The following SIRT2 variants were observed in gnomAD, a reference collection of about 807,000 sequenced individuals.
The protein encoded by SIRT2 is NAD-dependent protein deacetylase sirtuin-2.
A neutral mutation model predicts 57.4 loss-of-function variants in SIRT2; 40 were observed. That is an observed-to-expected ratio of 0.70 (90% CI 0.54 to 0.91). The LOEUF is 0.91. Ranked by LOEUF, SIRT2 falls within the 40% of genes least tolerant of loss-of-function variation. The probability of loss-of-function intolerance (pLI) is 0.00; values close to 1 mark genes in which losing one functional copy is unlikely to be tolerated. For synonymous variants in SIRT2, 161 were observed against 195.7 expected, an observed-to-expected ratio of 0.82 and a Z score of 1.48; for missense variants, 439 against 510.4, an observed-to-expected ratio of 0.86 and a Z score of 1.35.
At chr19:38,893,566 T>A in intron 3 of SIRT2, 39 bp from the exon 4 acceptor site, 3 of 1,451,718 alleles carry the variant, frequency 2.1e-6, no homozygotes, top group Non-Finnish European at 2.9e-6. Flanking sequence ...GGACGGGCAT[T>A]CAGCCAGGGG....
intron 4 of SIRT2, among the ~76,000 whole-genome samples, chr19:38,892,730 A>G (rs1973580877): frequency 7.7e-6 from 1 of 130,668 alleles, no homozygotes; most frequent in South Asian, 3.0e-4. Context: ...ACGCCCCCAT[A>G]TCTGACTATT....
chr19:38,880,528 A>T lies in SIRT2; in HGVS notation c.876+157T>A, dbSNP rs994283902. The T allele has an allele frequency of 3.3e-6, 2 of 602,184 alleles. No homozygotes were observed. The highest frequency in any genetic ancestry group is 5.9e-6 in the Non-Finnish European group (2 of 339,028). 37.3% of individuals were successfully genotyped at this position (602,184 alleles called of 1,614,324 possible). A position where few individuals can be genotyped will look rare whatever the true frequency, so the allele number is the denominator to read the frequency against. ...TGCTCAAAAGGGCAGTGAATGTCCC[A>T]GAGGCCTGGAACCCGACCCCTCTGG... On this transcript the variant is annotated intron_variant, in intron 13 of 15. Coordinates refer to ENST00000249396, the MANE Select transcript of SIRT2 (RefSeq NM_012237.4). The surrounding 1 kb of genome is among the most constrained non-coding windows in gnomAD (Gnocchi z 4.1).
chr19:38,879,189 T>C lies in SIRT2; in HGVS notation c.1136A>G (p.Glu379Gly), dbSNP rs756815336. 6.3e-7 allele frequency: 1 copy of C among 1,586,848 alleles called. No individual in the cohort carries two copies. Among genetic ancestry groups the C allele is most frequent in the Admixed American group, 2.0e-5 (1 of 49,272 alleles). The change falls in exon 16 of 16, where the codon GAG becomes GGG. Residue 379 changes from glutamate (E) to glycine (G), a missense_variant. Glu to Gly is a moderately conservative substitution (Grantham distance 98). Coordinates refer to ENST00000249396, the MANE Select transcript of SIRT2 (RefSeq NM_012237.4). ...TTTCTCCCTCTCTGTTGTCCTGGCC[T>C]CGTCCTTGGCAGGTGGCGGGGACTT... ...PKKSPPPAKD[E>G]ARTTEREKPQ
In SIRT2 at chr19:38,880,941, G is replaced by A. The variant is rs202222176; in HGVS notation, c.748-44C>T. 1.2e-5 allele frequency: 19 copies of A among 1,588,882 alleles called. No individual in the cohort carries two copies. The highest frequency in any genetic ancestry group is 5.4e-5 in the African/African-American group (4 of 74,346). On this transcript the variant is annotated intron_variant, in intron 11 of 15. Transcript: ENST00000249396. This position sits in a 1 kb window ranked among gnomAD's most constrained non-coding sequence, Gnocchi z 4.1. ...GCTTGGGAGCCTCCGCCCAGGCTGCGCCACCGCTCCCTCCCCCGCCCCCAG... is the reference window on the plus strand; with the variant it reads ...GCTTGGGAGCCTCCGCCCAGGCTGCACCACCGCTCCCTCCCCCGCCCCCAG...
At chr19:38,892,681 C>A (rs926384804) in intron 4 of SIRT2, among the ~76,000 whole-genome samples, 7 of 152,026 alleles carry the variant, frequency 4.6e-5, no homozygotes, top group Non-Finnish European at 7.4e-5. Flanking sequence ...TCAAACAATC[C>A]TCCCTTCTCA....
chr19:38,898,427 TG>T lies in SIRT2; in HGVS notation c.17-3del. ...CCTGGGTCTCCAGAGGGTGAGAGGC[TG>T]GGGGAGGGGAGCAGAGGTGGTTACA... On this transcript the variant is annotated splice_polypyrimidine_tract_variant and splice_region_variant and intron_variant, in intron 1 of 15. Transcript: ENST00000249396. 6.5e-7 allele frequency: 1 copy of T among 1,531,108 alleles called. No individual in the cohort carries two copies. The highest frequency in any genetic ancestry group is 1.8e-5 in the Admixed American group (1 of 56,054). The allele number at this position is 1,531,108 out of a possible 1,614,324, so 94.8% of individuals were successfully genotyped here.
chr19:38,883,247 AT>A (rs74891421), intron 9 of SIRT2, among the ~76,000 whole-genome samples: 226 of 144,464 alleles, frequency 1.6e-3, no homozygotes, highest in Non-Finnish European at 1.5e-3. Context: ...CACCAGGCTA[AT>A]TTTTTTTTTT....
chr19:38,893,496 C>T lies in SIRT2; in HGVS notation c.144G>A (p.Thr48=), dbSNP rs760784746. The change falls in exon 4 of 16, where the codon ACG becomes ACA. Residue 48 remains threonine (T), a synonymous_variant. Coordinates refer to ENST00000249396, the MANE Select transcript of SIRT2 (RefSeq NM_012237.4). ...GCTCCTTCTGGCTGCCCAGGCTGAG[C>T]GTCTGGGAGAATAAGTTCCGCAGGA... is the stretch of plus-strand genomic sequence containing the variant. ...MDFLRNLFSQ[T]LSLGSQKERL... The T allele has an allele frequency of 1.3e-5, 21 of 1,613,404 alleles. No homozygotes were observed. The highest frequency in any genetic ancestry group is 1.6e-5 in the Non-Finnish European group (19 of 1,179,686).
chr19:38,891,870 C>A, intron 4 of SIRT2: 1 of 469,052 alleles, frequency 2.1e-6, no homozygotes, highest in Non-Finnish European at 4.4e-6. Context: ...GGGGCCTGCC[C>A]AGGCTAAAAG....
chr19:38,887,772 T>TA (rs1360623454), intron 8 of SIRT2, among the ~76,000 whole-genome samples: 2 of 152,220 alleles, frequency 1.3e-5, no homozygotes, highest in African/African-American at 4.8e-5. Context: ...TTTGTTTTTT[T>TA]AAATTGAGAT....
Position 38,879,669 on chromosome 19 carries a change from C to G in SIRT2, c.910G>C (p.Gly304Arg). The G allele has an allele frequency of 6.4e-7, 1 of 1,573,954 alleles. No homozygotes were observed. The highest frequency in any genetic ancestry group is 8.6e-7 in the Non-Finnish European group (1 of 1,159,344). Reference sequence around the variant, plus strand: ...TTGGAGTCAAAGTCCATGCCTCCTCCGAGGCCCATAATCATCCCCAGGAAA... The same window carrying G: ...TTGGAGTCAAAGTCCATGCCTCCTCGGAGGCCCATAATCATCCCCAGGAAA... ...DPFLGMIMGL[G>R]GGMDFDSKKA... Residue 304 changes from glycine to arginine, a missense_variant, in exon 14 of 16, where the codon GGA (glycine) becomes CGA (arginine). Transcript: ENST00000249396.
rs757666044 is a variant in SIRT2 at position 38,889,723 on chromosome 19, G to A, written c.398C>T (p.Ala133Val). The part of the protein sequence containing the change: ...YFKKHPEPFF[A>V]LAKELYPGQF... ...CCCAGGATAGAGTTCCTTGGCGAGGGCGAAGAAGGGTTCCGGATGTTTCTG... is the reference window on the plus strand; with the variant it reads ...CCCAGGATAGAGTTCCTTGGCGAGGACGAAGAAGGGTTCCGGATGTTTCTG... The change falls in exon 7 of 16, where the codon GCC (alanine) becomes GTC (valine). Residue 133 changes from alanine to valine, a missense_variant. Ala to Val is a moderately conservative substitution (Grantham distance 64). Transcript: ENST00000249396. 4 of 1,614,152 alleles carry A rather than the reference G, an allele frequency of 2.5e-6. No homozygotes were observed. The highest frequency in any genetic ancestry group is 4.5e-5 in the East Asian group (2 of 44,880).
At position 38,899,580 on chromosome 19, in the gene SIRT2, C is replaced by T. The variant is rs1458422192; in HGVS notation, c.-59G>A. Reference sequence around the variant, plus strand: ...GACCGCTCTGTCCCGTCACCAACCACTGTGTCCCGTCACCGACTGCTCTGT... The same window carrying T: ...GACCGCTCTGTCCCGTCACCAACCATTGTGTCCCGTCACCGACTGCTCTGT... On this transcript the variant is annotated 5_prime_UTR_variant, in exon 1 of 16. It adds an upstream start codon to the 5' untranslated region. Transcript: ENST00000249396. 1.2e-6 allele frequency: 2 copies of T among 1,611,678 alleles called. No homozygotes were observed. Among genetic ancestry groups the T allele is most frequent in the Non-Finnish European group, 8.5e-7 (1 of 1,178,224 alleles).
chr19:38,881,581 T>C (rs1973156977), intron 9 of SIRT2, 90 bp from the exon 10 acceptor site: 2 of 1,023,948 alleles, frequency 2.0e-6, no homozygotes, highest in Admixed American at 1.9e-5. Flanking sequence ...TCTTCCACTG[T>C]TAACATGAAC....
chr19:38,881,194 T>C (rs546531824), intron 10 of SIRT2, 39 bp from the exon 11 acceptor site: 31 of 1,596,752 alleles, frequency 1.9e-5, no homozygotes, highest in South Asian at 1.8e-4. Flanking sequence ...GACAGTGACA[T>C]GGGGAGGCAG....
Position 38,880,827 on chromosome 19 carries a change from A to T in SIRT2, c.818T>A (p.Ile273Asn). ...SLQVQPFASL[I>N]SKAPLSTPRL... ...GCCACAGCCCCCAACCTACTTGCTGATGAGGGAGGCAAAGGGCTGCACCTG... is the reference window on the plus strand; with the variant it reads ...GCCACAGCCCCCAACCTACTTGCTGTTGAGGGAGGCAAAGGGCTGCACCTG... Residue 273 changes from isoleucine (I) to asparagine (N), a missense_variant, in exon 12 of 16, where the codon ATC becomes AAC. Transcript: ENST00000249396. This position sits in a 1 kb window ranked among gnomAD's most constrained non-coding sequence, Gnocchi z 4.1. The T allele has an allele frequency of 1.2e-6, 2 of 1,613,860 alleles. No individual in the cohort carries two copies. Among genetic ancestry groups the T allele is most frequent in the South Asian group, 1.1e-5 (1 of 91,070 alleles).
In SIRT2 at chr19:38,899,410, T is replaced by C. The variant is rs1001841464; in HGVS notation, c.16+96A>G. ...CCCACTCCCCGAAGCGCTCCCTACT[T>C]CCCGCCCCACCGCGGCCACCCTTGG... On this transcript the variant is annotated intron_variant, in intron 1 of 15. Coordinates refer to ENST00000249396, the MANE Select transcript of SIRT2 (RefSeq NM_012237.4). 291 of 1,420,924 alleles carry C rather than the reference T, an allele frequency of 2.0e-4. 2 individuals are homozygous for C. Among genetic ancestry groups the C allele is most frequent in the Non-Finnish European group, 2.7e-4 (271 of 1,020,674 alleles). 88.0% of individuals were successfully genotyped at this position (1,420,924 alleles called of 1,614,324 possible).
chr19:38,888,477 A>G (rs937994377), intron 8 of SIRT2, among the ~76,000 whole-genome samples: 4 of 152,174 alleles, frequency 2.6e-5, no homozygotes, highest in Non-Finnish European at 5.9e-5. Flanking sequence ...CAGCCCATCA[A>G]GATTTTTTTA....
At position 38,881,098 on chromosome 19, in the gene SIRT2, A is replaced by G. The variant is rs1973137426; in HGVS notation, c.747+2T>C. 7 of 1,613,112 alleles carry G rather than the reference A, an allele frequency of 4.3e-6. No homozygotes were observed. The highest frequency in any genetic ancestry group is 5.1e-6 in the Non-Finnish European group (6 of 1,179,706). On this transcript the variant is annotated splice_donor_variant, in intron 11 of 15. Coordinates refer to ENST00000249396, the MANE Select transcript of SIRT2 (RefSeq NM_012237.4). LOFTEE classifies it high-confidence loss of function. ...ATGCGGGGAGGCTGGGGGGCCACTT[A>G]CTGACTGCATACAGGAGAAGAAACG...
Sources: gnomAD v4.1 joint callset for allele counts (sites outside exome capture counted in the v4.1 genomes callset) on GRCh38, gnomAD v4.1.1 for gene constraint, Gnocchi (gnomAD v3.1) non-coding constraint, MANE v1.5 for transcripts, NCBI Gene and HGNC (gene_info 2026-07-23, HGNC 2026-07-21) for gene names.